Variants in DARS1 observed in about 807,000 individuals in gnomAD.
DARS1 encodes the protein aspartate--tRNA ligase, cytoplasmic.
DARS1 carries 51 observed loss-of-function variants against 68.8 expected under a neutral mutation model. The ratio of observed to expected loss-of-function variants is 0.74; its 90% CI spans 0.59 to 0.94. The LOEUF (loss-of-function observed/expected upper bound fraction) is 0.94, where lower values mean the gene tolerates loss of function less well. DARS1 is among the 40% of genes least tolerant of loss of function. The pLI is 0.00. For missense variants in DARS1, 607 were observed against 597.3 expected (o/e 1.02, Z -0.17); for synonymous variants, 203 against 190.4 (o/e 1.07, Z -0.55).
chr2:135,936,788 G>T (rs1313665441), intron 5 of DARS1, among the ~76,000 whole-genome samples: 1 of 151,862 alleles, frequency 6.6e-6, no homozygotes, highest in East Asian at 2.0e-4. Flanking sequence ...ACAAGGTTTT[G>T]TAAGTCTTGA....
chr2:135,922,661 G>A, intron 9 of DARS1, 123 bp downstream of exon 9: 2 of 1,291,876 alleles, frequency 1.5e-6, no homozygotes, highest in Non-Finnish European at 2.0e-6. Context: ...CATTTGTGTA[G>A]TCAGCAGATA....
chr2:135,923,335 G>A (rs1332268168), intron 8 of DARS1, among the ~76,000 whole-genome samples: 3 of 151,914 alleles, frequency 2.0e-5, no homozygotes, highest in Non-Finnish European at 2.9e-5. Flanking sequence ...TGTCACCCAG[G>A]CTAGAATGCC....
At chr2:135,936,457 G>A (rs560743145) in intron 5 of DARS1, among the ~76,000 whole-genome samples, 1 of 151,978 alleles carries the variant, frequency 6.6e-6, no homozygotes, top group South Asian at 2.1e-4. Flanking sequence ...GCGCAGTGGT[G>A]TGATCACAGC....
At chr2:135,931,834 A>G (rs1162204034) in intron 7 of DARS1, among the ~76,000 whole-genome samples, 1 of 152,184 alleles carries the variant, frequency 6.6e-6, no homozygotes, top group African/African-American at 2.4e-5. Flanking sequence ...CAATGGTGGC[A>G]ATGAATTTAA....
intron 3 of DARS1, among the ~76,000 whole-genome samples, chr2:135,967,707 T>C (rs555811843): frequency 6.6e-5 from 10 of 152,176 alleles, no homozygotes; most frequent in Admixed American, 3.3e-4. Context: ...GGATTCTAAA[T>C]GTCATACTTT....
At chr2:135,976,318 A>G (rs1197191646) in intron 3 of DARS1, among the ~76,000 whole-genome samples, 2 of 152,184 alleles carry the variant, frequency 1.3e-5, no homozygotes, top group African/African-American at 2.4e-5. Flanking sequence ...AAATAGTGCA[A>G]TTAGCATTTA....
At position 135,932,810 on chromosome 2, in the gene DARS1, T is replaced by A; in HGVS notation, c.537A>T (p.Arg179Ser). 1 of 1,361,912 alleles carries A rather than the reference T, an allele frequency of 7.3e-7. No homozygotes were observed. The highest frequency in any genetic ancestry group is 1.0e-6 in the Non-Finnish European group (1 of 960,984). 84.4% of individuals were successfully genotyped at this position (1,361,912 alleles called of 1,614,324 possible). ...EGRATVNQDT[R>S]LDNRVIDLRT... ...TAAGATCAATGACTCTGTTGTCTAA[T>A]CTTGTATCCTGGTTAACAGTAGCTC... The change falls in exon 7 of 16, where the codon AGA becomes AGT. Residue 179 changes from arginine to serine, a missense_variant. By Grantham distance (110) the Arg-to-Ser change is moderately radical (BLOSUM62 -1). Coordinates refer to ENST00000264161, the MANE Select transcript of DARS1 (RefSeq NM_001349.4).
intron 5 of DARS1, among the ~76,000 whole-genome samples, chr2:135,940,769 T>C (rs558345189): frequency 1.1e-4 from 17 of 152,302 alleles, no homozygotes; most frequent in African/African-American, 4.1e-4. Context: ...CCCCATCGTC[T>C]CAGGCCAAAA....
At chr2:135,969,450 C>T (rs1430031918) in intron 3 of DARS1, among the ~76,000 whole-genome samples, 1 of 151,878 alleles carries the variant, frequency 6.6e-6, no homozygotes, top group East Asian at 1.9e-4. Context: ...AAGGGAGTAT[C>T]ATTATTTCTG....
Position 135,979,292 on chromosome 2 carries a change from G to T in DARS1, c.199C>A (p.His67Asn). 2 of 1,432,844 alleles carry T rather than the reference G, an allele frequency of 1.4e-6. No individual in the cohort carries two copies. Among genetic ancestry groups the T allele is most frequent in the African/African-American group, 1.4e-5 (1 of 71,560 alleles). 88.8% of individuals were successfully genotyped at this position (1,432,844 alleles called of 1,614,324 possible). A position where few individuals can be genotyped will look rare whatever the true frequency, so the allele number is the denominator to read the frequency against. ...ATCCTACCTTTAGCTCTGCTTGTAT[G>T]AACTCTTGCACGTACCCAAACAACT... ...DEVVWVRARV[H>N]TSRAKGKQCF... Residue 67 changes from histidine (H) to asparagine (N), a missense_variant, in exon 3 of 16, where the codon CAT becomes AAT. Transcript: ENST00000264161.
In DARS1 at chr2:135,906,769, G is replaced by A. The variant is rs1393940749; in HGVS notation, c.*547C>T. ...TGAATACTTTCTAACCAGTAGTTTA[G>A]CTTTACATAATTTCTAGGCATAACT... On this transcript the variant is annotated 3_prime_UTR_variant, in exon 16 of 16. Transcript: ENST00000264161. 1 of 152,078 alleles carries A rather than the reference G, an allele frequency of 6.6e-6. No individual in the cohort carries two copies. The highest frequency in any genetic ancestry group is 2.4e-5 in the African/African-American group (1 of 41,396). 9.4% of individuals were successfully genotyped at this position (152,078 alleles called of 1,614,324 possible).
intron 4 of DARS1, among the ~76,000 whole-genome samples, chr2:135,957,478 A>G (rs1682004053): frequency 6.6e-6 from 1 of 152,112 alleles, no homozygotes; most frequent in South Asian, 2.1e-4. Flanking sequence ...TCGGCCTCCC[A>G]AAGTACTGGG....
rs6733398 is a variant in DARS1, at chr2:135,926,788, G to A, written c.565-2290C>T. Among the ~76,000 whole-genome samples, 225 of 152,242 alleles carry A rather than the reference G, an allele frequency of 1.5e-3. 1 individual carries two copies. Among genetic ancestry groups the A allele is most frequent in the African/African-American group, 5.1e-3 (212 of 41,562 alleles). On this transcript the variant is annotated intron_variant, in intron 7 of 15. Transcript: ENST00000264161. ...CTCTGCTGGTTGGAACAAGACAAAC[G>A]GGTAAGATTAGTATCCTGTAAACTC...
chr2:135,906,821 T>C lies in DARS1; in HGVS notation c.*495A>G, dbSNP rs937284132. The C allele has an allele frequency of 6.6e-6, 1 of 152,490 alleles. No homozygotes were observed. The highest frequency in any genetic ancestry group is 2.4e-5 in the African/African-American group (1 of 41,476). The allele number at this position is 152,490 out of a possible 1,614,324, so 9.4% of individuals were successfully genotyped here. A position where few individuals can be genotyped will look rare whatever the true frequency, so the allele number is the denominator to read the frequency against. ...TTAAGAACTGATACTTTCTGGTTAA[T>C]TTTCCATGATATGCCAATTATACAT... On this transcript the variant is annotated 3_prime_UTR_variant, in exon 16 of 16. Transcript: ENST00000264161.
At position 135,961,433 on chromosome 2, in the gene DARS1, C is replaced by T. The variant is rs1682098262; in HGVS notation, c.283G>A (p.Asp95Asn). 4 of 1,535,378 alleles carry T rather than the reference C, an allele frequency of 2.6e-6. No individual in the cohort carries two copies. Among genetic ancestry groups the T allele is most frequent in the Non-Finnish European group, 3.6e-6 (4 of 1,108,046 alleles). Residue 95 changes from aspartate (D) to asparagine (N), a missense_variant, in exon 4 of 16, where the codon GAC (aspartate) becomes AAC (asparagine). By Grantham distance (23) the Asp-to-Asn change is conservative. Coordinates refer to ENST00000264161, the MANE Select transcript of DARS1 (RefSeq NM_001349.4). ...FNVQALVAVG[D>N]HASKQMVKFA... ...TTAACCATCTGCTTGCTTGCATGGT[C>T]TCCCACCGCCACAAGAGCCTGGACA...
At chr2:135,918,521 T>C (rs1681050758) in intron 10 of DARS1, among the ~76,000 whole-genome samples, 1 of 152,094 alleles carries the variant, frequency 6.6e-6, no homozygotes, top group African/African-American at 2.4e-5. Context: ...CCTAAATGAC[T>C]TGAAGAACAT....
At chr2:135,968,859 AC>A in intron 3 of DARS1, among the ~76,000 whole-genome samples, 1 of 151,990 alleles carries the variant, frequency 6.6e-6, no homozygotes, top group African/African-American at 2.4e-5. Context: ...ATGGGGTTTT[AC>A]CATGTTGGCC....
intron 3 of DARS1, among the ~76,000 whole-genome samples, chr2:135,966,706 A>AT (rs925055373): frequency 2.0e-5 from 3 of 151,894 alleles, no homozygotes; most frequent in African/African-American, 7.3e-5. Context: ...TAATTTTTGT[A>AT]TTTTTTTAGT....
rs1170107007 is a variant in DARS1 at position 135,983,195 on chromosome 2, A to AT, written c.124+201dup. Among the ~76,000 whole-genome samples, 22 of 152,026 alleles carry AT rather than the reference A, an allele frequency of 1.4e-4. No individual in the cohort carries two copies. In the South Asian group the frequency reaches 3.5e-3, roughly 24 times the overall value. On this transcript the variant is annotated intron_variant, in intron 2 of 15. Coordinates refer to ENST00000264161, the MANE Select transcript of DARS1 (RefSeq NM_001349.4). ...CATTTAACCTACAATACCTAATAAC[A>AT]TTTTTTTTCCTTTTCTAGAGTTGGA... is the stretch of plus-strand genomic sequence containing the variant.
Sources: allele counts gnomAD v4.1 joint callset (sites outside exome capture counted in the v4.1 genomes callset), GRCh38; gene constraint gnomAD v4.1.1; transcripts MANE v1.5; gene names NCBI Gene and HGNC (gene_info 2026-07-23, HGNC 2026-07-21).